HS6ST1: variants seen among roughly 807,000 people sequenced by gnomAD.
The protein encoded by HS6ST1 is heparan sulfate 6-O-sulfotransferase 1, also known as heparan-sulfate 6-O-sulfotransferase 1.
Under a neutral mutation model 25.2 loss-of-function variants are expected in HS6ST1, and 3 were observed. The ratio of observed to expected loss-of-function variants is 0.12; its 90% confidence interval spans 0.05 to 0.31. HS6ST1 has a LOEUF of 0.31. Ranked by LOEUF, HS6ST1 falls within the 10% of genes least tolerant of loss-of-function variation. The probability of loss-of-function intolerance (pLI) is 1.00; values close to 1 mark genes in which losing one functional copy is unlikely to be tolerated. For missense variants in HS6ST1, 310 were observed against 609.6 expected, an observed-to-expected ratio of 0.51 and a Z score of 5.18; for synonymous variants, 204 against 275.1, an observed-to-expected ratio of 0.74 and a Z score of 2.56.
chr2:128,277,751 C>G (rs997247616), intron 1 of HS6ST1, among the ~76,000 whole-genome samples: 1 of 152,240 alleles, frequency 6.6e-6, no homozygotes, highest in Admixed American at 6.5e-5. Context: ...GAGTGTGAAA[C>G]TCACATGGAT....
chr2:128,268,339 G>A lies in HS6ST1; in HGVS notation c.1059C>T (p.Asp353=), dbSNP rs1573686474. The change falls in exon 2 of 2, where the codon GAC becomes GAT. Residue 353 remains aspartate, a synonymous_variant. Coordinates refer to ENST00000259241, the MANE Select transcript of HS6ST1 (RefSeq NM_004807.3). ...TGTACTGGTAGCGCTGCTGGAAGAGGTCCTTGGCGTAGTCGTACAGCTGCA... is the reference window on the plus strand; with the variant it reads ...TGTACTGGTAGCGCTGCTGGAAGAGATCCTTGGCGTAGTCGTACAGCTGCA... ...LDMQLYDYAK[D]LFQQRYQYKR... 9 of 1,613,492 alleles carry A rather than the reference G, an allele frequency of 5.6e-6. No homozygotes were observed. The East Asian group carries it at 2.0e-4, about 36-fold the overall frequency.
In HS6ST1 at chr2:128,318,600, G is replaced by C; in HGVS notation, c.-37C>G. The C allele has an allele frequency of 8.7e-7, 1 of 1,152,382 alleles. No homozygotes were observed. The highest frequency in any genetic ancestry group is 1.7e-5 in the African/African-American group (1 of 60,216). 71.4% of individuals were successfully genotyped at this position (1,152,382 alleles called of 1,614,324 possible). A position where few individuals can be genotyped will look rare whatever the true frequency, so the allele number is the denominator to read the frequency against. Reference sequence around the variant, plus strand: ...GCCGGGGCCCGGGCGCGGGGCGCGGGGCCTGGGAGGGCAGGAGGCGCGGGC... The same window carrying C: ...GCCGGGGCCCGGGCGCGGGGCGCGGCGCCTGGGAGGGCAGGAGGCGCGGGC... On this transcript the variant is annotated 5_prime_UTR_variant, in exon 1 of 2. Transcript: ENST00000259241. The surrounding 1 kb of genome is among the most constrained non-coding windows in gnomAD (Gnocchi z 5.7).
intron 1 of HS6ST1, among the ~76,000 whole-genome samples, chr2:128,297,892 A>G (rs1357172874): frequency 6.6e-6 from 1 of 152,246 alleles, no homozygotes; most frequent in Non-Finnish European, 1.5e-5. Flanking sequence ...TAGTATCAAC[A>G]GAGTGAAACG....
At chr2:128,298,255 T>C (rs1313814946) in intron 1 of HS6ST1, among the ~76,000 whole-genome samples, 1 of 152,152 alleles carries the variant, frequency 6.6e-6, no homozygotes, top group Non-Finnish European at 1.5e-5. Flanking sequence ...GAAAGCAGTA[T>C]GGTGGTTTCT....
intron 1 of HS6ST1, among the ~76,000 whole-genome samples, chr2:128,313,940 T>TAA (rs59138336): frequency 0.062 from 8,601 of 138,076 alleles, 380 homozygotes; most frequent in African/African-American, 0.13. Context: ...TGTGTTTGCT[T>TAA]AAAAAAAAAA....
At chr2:128,275,830 C>T (rs913251806) in intron 1 of HS6ST1, among the ~76,000 whole-genome samples, 1 of 152,208 alleles carries the variant, frequency 6.6e-6, no homozygotes, top group Non-Finnish European at 1.5e-5. Flanking sequence ...TCAGTCCTCT[C>T]CCAGATGCAC....
At chr2:128,277,087 G>A (rs975874877) in intron 1 of HS6ST1, among the ~76,000 whole-genome samples, 3 of 152,164 alleles carry the variant, frequency 2.0e-5, no homozygotes, top group Admixed American at 1.3e-4. Flanking sequence ...CCAAGCATCC[G>A]GCTGGTGGTT....
intron 1 of HS6ST1, among the ~76,000 whole-genome samples, chr2:128,289,306 A>G (rs532923171): frequency 6.6e-6 from 1 of 152,206 alleles, no homozygotes; most frequent in African/African-American, 2.4e-5. Flanking sequence ...ATGGCCCCCC[A>G]TCAAGCACTT....
chr2:128,277,233 T>A (rs937424721), intron 1 of HS6ST1, among the ~76,000 whole-genome samples: 2 of 152,030 alleles, frequency 1.3e-5, no homozygotes, highest in Non-Finnish European at 1.5e-5. Flanking sequence ...GCAAATGAGG[T>A]TCTTTCAGGG....
intron 1 of HS6ST1, chr2:128,290,149 G>C (rs796491958): frequency 6.6e-6 from 1 of 151,638 alleles, no homozygotes; most frequent in African/African-American, 2.4e-5. Flanking sequence ...AGTGGGTCTC[G>C]GTGAAAGGTA....
intron 1 of HS6ST1, among the ~76,000 whole-genome samples, chr2:128,270,736 A>T (rs1693598270): frequency 6.6e-6 from 1 of 152,158 alleles, no homozygotes; most frequent in Non-Finnish European, 1.5e-5. Context: ...GCCGTGACCA[A>T]ATGGATGGAG....
chr2:128,268,439 T>C lies in HS6ST1; in HGVS notation c.959A>G (p.Asn320Ser). 3.7e-6 allele frequency: 6 copies of C among 1,613,614 alleles called. No homozygotes were observed. Among genetic ancestry groups the C allele is most frequent in the South Asian group, 1.1e-5 (1 of 91,080 alleles). ...CTCCACGCCGCCCGCCCGCGTGCTA[T>C]TGTACTGCATGAAGGGCCGGATGAA... ...LKFIRPFMQY[N>S]STRAGGVEVD... The change falls in exon 2 of 2, where the codon AAT becomes AGT. Residue 320 changes from asparagine to serine, a missense_variant. This residue lies in a region of HS6ST1 where 140 missense variants were observed against 176.5 expected (regional missense o/e 0.79). Coordinates refer to ENST00000259241, the MANE Select transcript of HS6ST1 (RefSeq NM_004807.3).
At chr2:128,306,645 C>T (rs148396428) in intron 1 of HS6ST1, among the ~76,000 whole-genome samples, 2,726 of 152,286 alleles carry the variant, frequency 0.018, 59 homozygotes, top group Admixed American at 0.047. Context: ...GCCCTTCTGT[C>T]CCAAGCCAGT....
chr2:128,306,624 G>A lies in HS6ST1; in HGVS notation c.527+11413C>T, dbSNP rs539427783. 1.0e-3 allele frequency among the ~76,000 whole-genome samples: 157 copies of A among 152,324 alleles called. 3 individuals carry two copies. The highest frequency in any genetic ancestry group is 5.2e-3 in the South Asian group (25 of 4,830). On this transcript the variant is annotated intron_variant, in intron 1 of 1. Transcript: ENST00000259241. ...GCGCTTTCTAATTCTCAGGTGGATG[G>A]TGATGTGTAGGCCCTTCTGTCCCAA...
chr2:128,314,264 C>T (rs1251506419), intron 1 of HS6ST1, among the ~76,000 whole-genome samples: 1 of 152,170 alleles, frequency 6.6e-6, no homozygotes, highest in African/African-American at 2.4e-5. Context: ...CCAAGGAGTC[C>T]CCAGGTTCTC....
chr2:128,286,823 G>T (rs1170419234), intron 1 of HS6ST1, among the ~76,000 whole-genome samples: 1 of 152,214 alleles, frequency 6.6e-6, no homozygotes, highest in African/African-American at 2.4e-5. Context: ...GCAGGCTGCT[G>T]GCCACGATAC....
At chr2:128,284,281 G>A (rs1270273603) in intron 1 of HS6ST1, among the ~76,000 whole-genome samples, 1 of 151,596 alleles carries the variant, frequency 6.6e-6, no homozygotes, top group Non-Finnish European at 1.5e-5. Context: ...ACAGGCACCT[G>A]GTCCCCTCAT....
At chr2:128,295,795 T>TC (rs1694032593) in intron 1 of HS6ST1, among the ~76,000 whole-genome samples, 1 of 152,286 alleles carries the variant, frequency 6.6e-6, no homozygotes, top group Non-Finnish European at 1.5e-5. Flanking sequence ...TGCAGAAACA[T>TC]CATTTGACAA....
Position 128,283,002 on chromosome 2 carries a change from C to G in HS6ST1, c.528-14132G>C, listed in dbSNP as rs569652406. 2.0e-5 allele frequency among the ~76,000 whole-genome samples: 3 copies of G among 152,320 alleles called. No homozygotes were observed. The South Asian group carries it at 6.2e-4, about 32-fold the overall frequency. ...CCTCACTGCCAGGGGGCTGTCATCT[C>G]CACTTTGACTCACTCAGCTCCTCCT... is the stretch of plus-strand genomic sequence containing the variant. On this transcript the variant is annotated intron_variant, in intron 1 of 1. Transcript: ENST00000259241.
Sources: allele counts gnomAD v4.1 joint callset (sites outside exome capture counted in the v4.1 genomes callset), GRCh38; gene constraint gnomAD v4.1.1; regional missense constraint gnomAD v4.1.1; non-coding constraint Gnocchi (gnomAD v3.1); transcripts MANE v1.5; gene names NCBI Gene and HGNC (gene_info 2026-07-23, HGNC 2026-07-21).